Variants in ADA observed in about 807,000 individuals in gnomAD.
ADA encodes the protein adenosine aminohydrolase.
Under a neutral mutation model 49.0 loss-of-function variants are expected in ADA, and 45 were observed. The observed-to-expected ratio is 0.92, with a 90% confidence interval of 0.72 to 1.18. ADA has a LOEUF of 1.18. Ranked by LOEUF, ADA falls within the 50% of genes most tolerant of loss-of-function variation. The probability of loss-of-function intolerance (pLI) is 0.00; values close to 1 mark genes in which losing one functional copy is unlikely to be tolerated. For missense variants in ADA, 445 were observed against 472.5 expected, an observed-to-expected ratio of 0.94 and a Z score of 0.54; for synonymous variants, 173 against 184.2, an observed-to-expected ratio of 0.94 and a Z score of 0.49.
At chr20:44,625,470 T>G in intron 5 of ADA, 99 bp downstream of exon 5, 2 of 1,115,622 alleles carry the variant, frequency 1.8e-6, no homozygotes, top group Non-Finnish European at 2.6e-6. Flanking sequence ...CATGGGGCTG[T>G]GGGGCACAGG....
chr20:44,620,653 G>C (rs2065321311), intron 10 of ADA: 1 of 587,464 alleles, frequency 1.7e-6, no homozygotes, highest in East Asian at 3.0e-5. Flanking sequence ...GTGGCATGTA[G>C]GGGGCCAGAG....
chr20:44,629,101 G>T lies in ADA; in HGVS notation c.164C>A (p.Pro55Gln). ...GGCCAGGAAGTCTGGAAGGGTGAGC[G>T]GCTTGTCCATGCCAATGACGTTCAG... Reference protein sequence around the residue: ...GLLNVIGMDKPLTLPDFLAKF... With the variant: ...GLLNVIGMDKQLTLPDFLAKF... The change falls in exon 3 of 12, where the codon CCG becomes CAG. Residue 55 changes from proline (P) to glutamine (Q), a missense_variant. Transcript: ENST00000372874. The T allele has an allele frequency of 6.2e-7, 1 of 1,614,196 alleles. No homozygotes were observed. Among genetic ancestry groups the T allele is most frequent in the Non-Finnish European group, 8.5e-7 (1 of 1,180,046 alleles).
intron 1 of ADA, among the ~76,000 whole-genome samples, chr20:44,640,034 G>A (rs970623547): frequency 2.0e-5 from 3 of 151,970 alleles, no homozygotes; most frequent in Non-Finnish European, 4.4e-5. Context: ...AGCGAGCAAC[G>A]GTTCACAGGG....
At chr20:44,623,835 C>T (rs1403272863) in intron 6 of ADA, 1 of 369,398 alleles carries the variant, frequency 2.7e-6, no homozygotes, top group Non-Finnish European at 5.4e-6. Flanking sequence ...GCAGCTTTGA[C>T]TTCCTGGACT....
In ADA at chr20:44,646,762, C is replaced by G. The variant is rs953088254; in HGVS notation, c.33+4813G>C. ...GCCCAGGGCTAATGCACTGGCCCAC[C>G]CTGCCACCCTGATTCTAACTCTTCC... On this transcript the variant is annotated intron_variant, in intron 1 of 11. Coordinates refer to ENST00000372874, the MANE Select transcript of ADA (RefSeq NM_000022.4). 3.3e-4 allele frequency among the ~76,000 whole-genome samples: 50 copies of G among 152,014 alleles called. 1 individual carries two copies. Among genetic ancestry groups the G allele is most frequent in the African/African-American group, 1.2e-3 (50 of 41,280 alleles).
At chr20:44,626,261 T>A in intron 4 of ADA, 195 bp downstream of exon 4, 1 of 762,100 alleles carries the variant, frequency 1.3e-6, no homozygotes, top group Non-Finnish European at 2.2e-6. Context: ...GGTAAGAACA[T>A]AACGGCAAAG....
At chr20:44,622,726 G>A in intron 8 of ADA, 74 bp from the exon 9 acceptor site, 2 of 1,613,618 alleles carry the variant, frequency 1.2e-6, no homozygotes, top group East Asian at 2.2e-5. Flanking sequence ...TCTGGGCCTG[G>A]GGCCACCCCT....
intron 1 of ADA, among the ~76,000 whole-genome samples, chr20:44,650,775 C>A (rs1022773877): frequency 6.6e-6 from 1 of 152,144 alleles, no homozygotes; most frequent in African/African-American, 2.4e-5. Context: ...AGGCTGACTG[C>A]AGCTGACTCC....
chr20:44,627,051 C>G (rs1475173535), intron 3 of ADA, among the ~76,000 whole-genome samples: 3 of 152,100 alleles, frequency 2.0e-5, no homozygotes, highest in Admixed American at 1.3e-4. Flanking sequence ...CTCCCTCATT[C>G]CCTGAGGCCA....
chr20:44,634,707 TG>T (rs1446057848), intron 2 of ADA, among the ~76,000 whole-genome samples: 1 of 152,230 alleles, frequency 6.6e-6, no homozygotes, highest in Non-Finnish European at 1.5e-5. Flanking sequence ...AGAAGGTCCC[TG>T]GAAGTGCGAA....
intron 1 of ADA, among the ~76,000 whole-genome samples, chr20:44,642,787 C>A (rs767766033): frequency 6.6e-5 from 10 of 152,250 alleles, no homozygotes; most frequent in Non-Finnish European, 1.3e-4. Context: ...GAATAACATG[C>A]GGGAAGTACT....
intron 2 of ADA, among the ~76,000 whole-genome samples, chr20:44,632,233 G>A (rs1029221346): frequency 2.6e-5 from 4 of 152,076 alleles, no homozygotes; most frequent in South Asian, 2.1e-4. Flanking sequence ...GCAGGAAGCC[G>A]CGGGCATTGG....
chr20:44,637,713 G>A (rs1480379862), intron 1 of ADA, among the ~76,000 whole-genome samples: 2 of 152,172 alleles, frequency 1.3e-5, no homozygotes, highest in African/African-American at 4.8e-5. Flanking sequence ...GCCCAGGGGA[G>A]GCCAGCAGGG....
chr20:44,647,930 C>T (rs912281067), intron 1 of ADA, among the ~76,000 whole-genome samples: 2 of 151,888 alleles, frequency 1.3e-5, no homozygotes, highest in African/African-American at 4.9e-5. Flanking sequence ...CCTGTAGTCC[C>T]AGCTACTTGG....
Position 44,626,519 on chromosome 20 carries a change from A to G in ADA, c.299T>C (p.Val100Ala). Residue 100 changes from valine to alanine, a missense_variant, in exon 4 of 12, where the codon GTG becomes GCG. Val to Ala is a moderately conservative substitution (Grantham distance 64). Transcript: ENST00000372874. ...GGCCAGCAGGTGCGGACTGTACCGC[A>G]CCTCCACATACACCACGCCCTCTTT... ...KAKEGVVYVE[V>A]RYSPHLLANS... 1 of 1,613,910 alleles carries G rather than the reference A, an allele frequency of 6.2e-7. No homozygotes were observed.
intron 1 of ADA, among the ~76,000 whole-genome samples, chr20:44,649,945 C>T: frequency 6.6e-6 from 1 of 152,174 alleles, no homozygotes; most frequent in Non-Finnish European, 1.5e-5. Flanking sequence ...CCATGTTGGC[C>T]AGGCTGGTCT....
chr20:44,649,730 CTTTTT>C (rs755647195), intron 1 of ADA, among the ~76,000 whole-genome samples: 9 of 81,856 alleles, frequency 1.1e-4, no homozygotes, highest in African/African-American at 4.0e-4. Context: ...ATCAAGGAGC[CTTTTT>C]TTTTTTTTTT....
chr20:44,630,551 C>T (rs2065424608), intron 2 of ADA, among the ~76,000 whole-genome samples: 1 of 152,102 alleles, frequency 6.6e-6, no homozygotes, highest in African/African-American at 2.4e-5. Context: ...CGGAAATTTA[C>T]AAGAGAATGC....
At chr20:44,641,564 G>A (rs577199346) in intron 1 of ADA, among the ~76,000 whole-genome samples, 1 of 152,080 alleles carries the variant, frequency 6.6e-6, no homozygotes, top group Non-Finnish European at 1.5e-5. Flanking sequence ...CTGAGTGAAA[G>A]GAGTTGCATG....
Sources: gnomAD v4.1 joint callset for allele counts (sites outside exome capture counted in the v4.1 genomes callset) on GRCh38, gnomAD v4.1.1 for gene constraint, MANE v1.5 for transcripts, NCBI Gene and HGNC (gene_info 2026-07-23, HGNC 2026-07-21) for gene names.